The following HLCS variants were observed in gnomAD, a reference collection of about 807,000 sequenced individuals.
The protein encoded by HLCS is biotin--protein ligase.
A neutral mutation model predicts 75.0 loss-of-function variants in HLCS; 53 were observed. That is an observed-to-expected ratio of 0.71 (90% CI 0.57 to 0.89). The LOEUF is 0.89. Among genes scored for constraint, HLCS ranks in the 40% least tolerant of loss-of-function variants. The pLI, the probability that HLCS is intolerant of heterozygous loss-of-function variation, is 0.00. For synonymous variants in HLCS, 431 were observed against 428.6 expected (o/e 1.01, Z -0.07); for missense variants, 966 against 1,074.0 (o/e 0.90, Z 1.41).
intron 6 of HLCS, among the ~76,000 whole-genome samples, chr21:36,808,184 G>A (rs2145947862): frequency 6.6e-6 from 1 of 151,948 alleles, no homozygotes; most frequent in East Asian, 1.9e-4. Context: ...AAAAATTGTT[G>A]TCATACTACA....
At position 36,749,022 on chromosome 21, in the gene HLCS, G is replaced by A. The variant is rs1158250746; in HGVS notation, c.*5224C>T. 1.3e-5 allele frequency: 2 copies of A among 152,634 alleles called. No homozygotes were observed. Among genetic ancestry groups the A allele is most frequent in the Admixed American group, 6.5e-5 (1 of 15,282 alleles). 9.5% of individuals were successfully genotyped at this position (152,634 alleles called of 1,614,324 possible). On this transcript the variant is annotated 3_prime_UTR_variant, in exon 11 of 11. Transcript: ENST00000674895. ...ACACTGTCAATGGACTGCACCTTGT[G>A]AAGGAAAAACATGCTTAAGGGGGTG... is the stretch of plus-strand genomic sequence containing the variant.
intron 6 of HLCS, among the ~76,000 whole-genome samples, chr21:36,780,959 CAGG>C (rs1417335933): frequency 7.1e-6 from 1 of 141,302 alleles, no homozygotes. Context: ...GGCTGCACAG[CAGG>C]AGGTGAGAAG....
chr21:36,754,792 A>T (rs1036113293), intron 10 of HLCS, among the ~76,000 whole-genome samples: 2 of 152,188 alleles, frequency 1.3e-5, no homozygotes, highest in African/African-American at 4.8e-5. Context: ...CCGAGTTGGC[A>T]AACAATGTTT....
chr21:36,950,491 G>A (rs1362462666), intron 2 of HLCS, among the ~76,000 whole-genome samples: 2 of 151,818 alleles, frequency 1.3e-5, no homozygotes. Context: ...GAGGAAGACA[G>A]GGTCTCACAG....
intron 6 of HLCS, among the ~76,000 whole-genome samples, chr21:36,860,423 C>A (rs528156026): frequency 1.3e-5 from 2 of 152,126 alleles, no homozygotes; most frequent in East Asian, 3.9e-4. Flanking sequence ...CTAAAAGTGG[C>A]CAGGACTGGT....
At chr21:36,764,881 T>C (rs2089978167) in intron 8 of HLCS, 131 bp downstream of exon 8, 1 of 986,036 alleles carries the variant, frequency 1.0e-6, no homozygotes, top group South Asian at 1.3e-5. Context: ...CGAGAGCACT[T>C]TGCTGCCAGC....
intron 8 of HLCS, among the ~76,000 whole-genome samples, chr21:36,761,071 T>C (rs777854978): frequency 6.6e-6 from 1 of 152,234 alleles, no homozygotes; most frequent in Non-Finnish European, 1.5e-5. Flanking sequence ...CTTCCCACGT[T>C]GCAGGCCGGG....
At chr21:36,784,011 A>T (rs1045470915) in intron 6 of HLCS, among the ~76,000 whole-genome samples, 5 of 152,280 alleles carry the variant, frequency 3.3e-5, no homozygotes, top group African/African-American at 1.2e-4. Flanking sequence ...TCAGCTATAG[A>T]TCTCAAGATT....
At chr21:36,874,131 A>G (rs2063868144) in intron 6 of HLCS, among the ~76,000 whole-genome samples, 1 of 152,180 alleles carries the variant, frequency 6.6e-6, no homozygotes, top group African/African-American at 2.4e-5. Context: ...GCACATATCT[A>G]CTTACTGTAT....
chr21:36,886,005 C>T (rs1056887929), intron 6 of HLCS, among the ~76,000 whole-genome samples: 11 of 152,030 alleles, frequency 7.2e-5, no homozygotes, highest in South Asian at 2.1e-4. Flanking sequence ...GAATGAACCA[C>T]GGGCTGATAT....
At chr21:36,873,286 T>C (rs1239183289) in intron 6 of HLCS, among the ~76,000 whole-genome samples, 2 of 151,836 alleles carry the variant, frequency 1.3e-5, no homozygotes, top group Non-Finnish European at 2.9e-5. Flanking sequence ...CCAAGCTAAT[T>C]TTTGTATTTT....
chr21:36,843,147 G>C (rs1193167051), intron 6 of HLCS, among the ~76,000 whole-genome samples: 6 of 152,210 alleles, frequency 3.9e-5, no homozygotes, highest in Admixed American at 3.9e-4. Flanking sequence ...AGAAATATCT[G>C]TTAAGATACT....
At position 36,781,475 on chromosome 21, in the gene HLCS, G is replaced by A. The variant is rs200920582; in HGVS notation, c.1893-14190C>T. On this transcript the variant is annotated intron_variant, in intron 6 of 10. Transcript: ENST00000674895. ...GCATATTTCTTATGCACTATCTTAC[G>A]TATTTTATCTTATTTGTTGCTATTA... Among the ~76,000 whole-genome samples the A allele has an allele frequency of 3.1e-3, 465 of 152,056 alleles. 1 individual carries two copies. The highest frequency in any genetic ancestry group is 5.4e-3 in the Non-Finnish European group (368 of 67,968).
At chr21:36,771,215 G>A (rs2060195743) in intron 6 of HLCS, among the ~76,000 whole-genome samples, 1 of 126,800 alleles carries the variant, frequency 7.9e-6, no homozygotes, top group Non-Finnish European at 1.6e-5. Context: ...GCGAGACTCC[G>A]TCTCAAATAA....
At chr21:36,831,531 AC>A (rs2062210705) in intron 6 of HLCS, among the ~76,000 whole-genome samples, 1 of 152,024 alleles carries the variant, frequency 6.6e-6, no homozygotes, top group African/African-American at 2.4e-5. Context: ...AATACAAAAA[AC>A]ATTAGCCAGG....
chr21:36,800,920 G>C (rs566283101), intron 6 of HLCS, among the ~76,000 whole-genome samples: 3 of 152,114 alleles, frequency 2.0e-5, no homozygotes, highest in African/African-American at 7.2e-5. Context: ...TAGTTGAGGG[G>C]CGGAGAGAGG....
chr21:36,905,274 G>A (rs562978207), intron 5 of HLCS, among the ~76,000 whole-genome samples: 1 of 152,044 alleles, frequency 6.6e-6, no homozygotes, highest in Non-Finnish European at 1.5e-5. Flanking sequence ...CCTTACCAAG[G>A]AAAACTCTCC....
rs995527852 is a variant in HLCS, at chr21:36,754,080, C to A, written c.*166G>T. On this transcript the variant is annotated 3_prime_UTR_variant, in exon 11 of 11. Transcript: ENST00000674895. ...ATCTATCCCAGAGCCTCTTCAAACA[C>A]CAAAGAAAACGACAACAAAACAAAC... 1.5e-5 allele frequency: 12 copies of A among 789,024 alleles called. No individual in the cohort carries two copies. Among genetic ancestry groups the A allele is most frequent in the Middle Eastern group, 7.5e-4 (2 of 2,674 alleles). The allele number at this position is 789,024 out of a possible 1,614,324, so 48.9% of individuals were successfully genotyped here.
intron 6 of HLCS, among the ~76,000 whole-genome samples, chr21:36,778,956 T>G (rs947964746): frequency 1.3e-5 from 2 of 152,156 alleles, no homozygotes; most frequent in Non-Finnish European, 2.9e-5. Context: ...ATCAGCGATT[T>G]CTCCAAGGAG....
Sources: gnomAD v4.1 joint callset for allele counts (sites outside exome capture counted in the v4.1 genomes callset) on GRCh38, gnomAD v4.1.1 for gene constraint, MANE v1.5 for transcripts, NCBI Gene and HGNC (gene_info 2026-07-23, HGNC 2026-07-21) for gene names.